Variants in CNBD1 observed in about 807,000 individuals in gnomAD.
CNBD1 encodes the protein cyclic nucleotide binding domain containing 1.
Under a neutral mutation model 54.4 loss-of-function variants are expected in CNBD1, and 71 were observed. The ratio of observed to expected loss-of-function variants is 1.30; its 90% CI spans 1.08 to 1.59. The LOEUF (loss-of-function observed/expected upper bound fraction) is 1.59. CNBD1 is among the 40% of genes most tolerant of loss of function. The probability of loss-of-function intolerance (pLI) is 0.00; values close to 1 mark genes in which losing one functional copy is unlikely to be tolerated. For missense variants in CNBD1, 659 were observed against 518.0 expected (o/e 1.27, Z -2.64); for synonymous variants, 182 against 170.7 (o/e 1.07, Z -0.51).
intron 6 of CNBD1, among the ~76,000 whole-genome samples, chr8:87,268,735 A>G (rs1586378645): frequency 6.6e-6 from 1 of 152,112 alleles, no homozygotes; most frequent in Admixed American, 6.6e-5. Context: ...TCTTCTTTTG[A>G]GAAGTGTCTG....
chr8:87,218,465 C>T (rs960032543), intron 5 of CNBD1, among the ~76,000 whole-genome samples: 1 of 152,016 alleles, frequency 6.6e-6, no homozygotes, highest in Non-Finnish European at 1.5e-5. Flanking sequence ...ATTCTTTTGA[C>T]CTTCCCATGT....
intron 6 of CNBD1, among the ~76,000 whole-genome samples, chr8:87,251,512 C>G (rs948897633): frequency 6.6e-6 from 1 of 150,484 alleles, no homozygotes; most frequent in African/African-American, 2.4e-5. Context: ...CACTTGAACC[C>G]GGGAGGCAGA....
At chr8:87,352,332 T>A (rs949834643) in intron 9 of CNBD1, among the ~76,000 whole-genome samples, 3 of 151,782 alleles carry the variant, frequency 2.0e-5, no homozygotes, top group African/African-American at 7.3e-5. Flanking sequence ...ATACAAAAAT[T>A]AGCTGGGTGT....
At chr8:87,122,555 T>A (rs1310151404) in intron 4 of CNBD1, among the ~76,000 whole-genome samples, 1 of 151,854 alleles carries the variant, frequency 6.6e-6, no homozygotes, top group Non-Finnish European at 1.5e-5. Flanking sequence ...ATCACTTTCG[T>A]CTATTTGTGC....
chr8:87,365,533 C>T (rs1184498176), intron 10 of CNBD1, among the ~76,000 whole-genome samples: 2 of 151,934 alleles, frequency 1.3e-5, no homozygotes. Context: ...ACCACTTGTT[C>T]CACTGTAAAA....
At position 87,272,167 on chromosome 8, in the gene CNBD1, T is replaced by C. The variant is rs115391340; in HGVS notation, c.772-12511T>C. On this transcript the variant is annotated intron_variant, in intron 6 of 10. Transcript: ENST00000518476. ...ACTTAGAATAAATAAGACCTGGTGTTTGATCAGTAGGATGATTATAGTTAA... is the reference window on the plus strand; with the variant it reads ...ACTTAGAATAAATAAGACCTGGTGTCTGATCAGTAGGATGATTATAGTTAA... 8.6e-3 allele frequency among the ~76,000 whole-genome samples: 1,308 copies of C among 152,006 alleles called. 34 individuals are homozygous for C. The highest frequency in any genetic ancestry group is 0.03 in the African/African-American group (1,230 of 41,526).
chr8:87,111,128 T>G (rs931643348), intron 4 of CNBD1, among the ~76,000 whole-genome samples: 3 of 152,220 alleles, frequency 2.0e-5, no homozygotes, highest in Admixed American at 6.5e-5. Flanking sequence ...GTTATATTTT[T>G]TGATTTACTA....
At chr8:86,974,832 TTTA>T (rs1336645592) in intron 4 of CNBD1, among the ~76,000 whole-genome samples, 20 of 152,048 alleles carry the variant, frequency 1.3e-4, no homozygotes, top group Admixed American at 6.5e-5. Context: ...TTCTTTTTAG[TTTA>T]TTATTTCAAA....
chr8:87,281,268 A>C (rs1054069379), intron 6 of CNBD1, among the ~76,000 whole-genome samples: 2 of 151,320 alleles, frequency 1.3e-5, no homozygotes, highest in African/African-American at 4.8e-5. Context: ...CAAATGTAAT[A>C]CATACTTTCT....
chr8:87,152,328 A>G (rs1337073203), intron 4 of CNBD1, among the ~76,000 whole-genome samples: 1 of 151,968 alleles, frequency 6.6e-6, no homozygotes, highest in Non-Finnish European at 1.5e-5. Flanking sequence ...CATTTAACTC[A>G]CACTTCTGTA....
intron 8 of CNBD1, among the ~76,000 whole-genome samples, chr8:87,317,778 A>C (rs1464374260): frequency 3.3e-5 from 5 of 152,146 alleles, no homozygotes; most frequent in Middle Eastern, 3.4e-3. Context: ...TGGAAATTAC[A>C]TCTTCAAATG....
intron 4 of CNBD1, among the ~76,000 whole-genome samples, chr8:87,075,765 C>T (rs1161293734): frequency 2.0e-5 from 3 of 152,084 alleles, no homozygotes; most frequent in African/African-American, 7.2e-5. Context: ...GTAAAATGTA[C>T]ATGGGTGTTT....
At chr8:87,008,866 AAG>A (rs746131933) in intron 4 of CNBD1, among the ~76,000 whole-genome samples, 7 of 152,190 alleles carry the variant, frequency 4.6e-5, no homozygotes, top group Non-Finnish European at 7.3e-5. Flanking sequence ...GGGTACAAAA[AAG>A]GAGTTTTTTG....
At chr8:87,349,384 AT>A (rs200920343) in intron 8 of CNBD1, among the ~76,000 whole-genome samples, 32 of 151,382 alleles carry the variant, frequency 2.1e-4, no homozygotes, top group African/African-American at 3.9e-4. Flanking sequence ...TGAAGATACA[AT>A]TTTTTTTTGA....
At chr8:87,209,177 A>AATTTTAC (rs1205901396) in intron 5 of CNBD1, among the ~76,000 whole-genome samples, 1 of 152,136 alleles carries the variant, frequency 6.6e-6, no homozygotes, top group Non-Finnish European at 1.5e-5. Flanking sequence ...GGAAGGCTTC[A>AATTTTAC]CTGCTGAATT....
At chr8:87,301,289 C>A (rs769052670) in intron 8 of CNBD1, among the ~76,000 whole-genome samples, 19 of 152,020 alleles carry the variant, frequency 1.2e-4, no homozygotes, top group Non-Finnish European at 2.5e-4. Context: ...TGGTACTAAT[C>A]CTTTTGAAAC....
At chr8:87,361,542 G>T (rs1381634962) in intron 10 of CNBD1, among the ~76,000 whole-genome samples, 1 of 151,690 alleles carries the variant, frequency 6.6e-6, no homozygotes, top group Non-Finnish European at 1.5e-5. Flanking sequence ...GATATCTAAT[G>T]TTTATATAGT....
intron 6 of CNBD1, among the ~76,000 whole-genome samples, chr8:87,261,271 C>A (rs2130848846): frequency 6.6e-6 from 1 of 152,196 alleles, no homozygotes; most frequent in South Asian, 2.1e-4. Flanking sequence ...CCCACGATCC[C>A]CAGCTGCTCT....
intron 4 of CNBD1, among the ~76,000 whole-genome samples, chr8:87,116,162 A>C (rs79678371): frequency 0.014 from 1,884 of 132,232 alleles, 43 homozygotes; most frequent in African/African-American, 0.049. Flanking sequence ...CTGTCTGTCT[A>C]TATTCCTTTG....
Sources: allele counts gnomAD v4.1 joint callset (sites outside exome capture counted in the v4.1 genomes callset), GRCh38; gene constraint gnomAD v4.1.1; transcripts MANE v1.5; gene names NCBI Gene and HGNC (gene_info 2026-07-23, HGNC 2026-07-21).